Variants in ARIH1 observed in about 807,000 individuals in gnomAD.
ARIH1 encodes the protein ariadne RBR E3 ubiquitin protein ligase 1, also known as E3 ubiquitin-protein ligase ARIH1.
Under a neutral mutation model 85.0 loss-of-function variants are expected in ARIH1, and 8 were observed. That is an observed-to-expected ratio of 0.09 (90% CI 0.06 to 0.17). ARIH1 has a LOEUF of 0.17. Ranked by LOEUF, ARIH1 falls within the 10% of genes least tolerant of loss-of-function variation. The probability of loss-of-function intolerance (pLI) is 1.00; values close to 1 mark genes in which losing one functional copy is unlikely to be tolerated. For missense variants in ARIH1, 311 were observed against 718.1 expected, an observed-to-expected ratio of 0.43 and a Z score of 6.48; for synonymous variants, 238 against 253.6, an observed-to-expected ratio of 0.94 and a Z score of 0.59.
intron 7 of ARIH1, chr15:72,566,230 T>G: frequency 4.0e-6 from 1 of 248,224 alleles, no homozygotes; most frequent in Non-Finnish European, 7.6e-6. Flanking sequence ...GGGTGTTAAG[T>G]AAAAGATTAA....
intron 3 of ARIH1, among the ~76,000 whole-genome samples, chr15:72,549,836 G>C (rs369176006): frequency 6.6e-6 from 1 of 151,934 alleles, no homozygotes; most frequent in African/African-American, 2.4e-5. Context: ...TGTATTTTTC[G>C]TGTACTCTCT....
intron 11 of ARIH1, among the ~76,000 whole-genome samples, chr15:72,575,915 C>T (rs1320624971): frequency 6.6e-6 from 1 of 152,098 alleles, no homozygotes; most frequent in Non-Finnish European, 1.5e-5. Flanking sequence ...ATGATCATAG[C>T]TCACTGTAGC....
intron 1 of ARIH1, among the ~76,000 whole-genome samples, chr15:72,498,944 T>C (rs2063891167): frequency 6.9e-6 from 1 of 145,828 alleles, no homozygotes; most frequent in South Asian, 2.1e-4. Context: ...TTTTATGTCG[T>C]TTGCACCTTT....
At chr15:72,497,196 A>G (rs1182160393) in intron 1 of ARIH1, among the ~76,000 whole-genome samples, 4 of 152,222 alleles carry the variant, frequency 2.6e-5, no homozygotes, top group South Asian at 2.1e-4. Flanking sequence ...TTCAGAAACT[A>G]TGATAAAGGA....
intron 1 of ARIH1, among the ~76,000 whole-genome samples, chr15:72,514,518 C>T (rs182478111): frequency 3.4e-5 from 5 of 148,672 alleles, no homozygotes; most frequent in South Asian, 4.4e-4. Context: ...CCAGCTTGGG[C>T]GGTATACAAA....
At chr15:72,566,341 A>G (rs2064220929) in intron 7 of ARIH1, 2 of 502,048 alleles carry the variant, frequency 4.0e-6, no homozygotes, top group East Asian at 3.5e-5. Flanking sequence ...CTTCATGCTT[A>G]TAGTCATTCT....
chr15:72,492,179 A>G (rs1461594298), intron 1 of ARIH1, among the ~76,000 whole-genome samples: 1 of 152,216 alleles, frequency 6.6e-6, no homozygotes, highest in East Asian at 1.9e-4. Context: ...AAAAACACAA[A>G]GTTTAATAAA....
At chr15:72,481,534 C>T (rs2063816566) in intron 1 of ARIH1, among the ~76,000 whole-genome samples, 2 of 151,988 alleles carry the variant, frequency 1.3e-5, no homozygotes, top group African/African-American at 2.4e-5. Context: ...TATGGTGAAA[C>T]ACTAGCTGGG....
Position 72,518,093 on chromosome 15 carries a change from C to T in ARIH1, c.402C>T (p.Leu134=), listed in dbSNP as rs772636210. The T allele has an allele frequency of 1.2e-6, 2 of 1,611,694 alleles. No individual in the cohort carries two copies. Among genetic ancestry groups the T allele is most frequent in the Admixed American group, 3.3e-5 (2 of 59,930 alleles). The change falls in exon 2 of 14, where the codon CTC becomes CTT. Residue 134 remains leucine (L), a synonymous_variant. Coordinates refer to ENST00000379887, the MANE Select transcript of ARIH1 (RefSeq NM_005744.5). ...IQNPATITRI[L]LSHFNWDKEK... ...ATCCAGCAACTATCACAAGAATACT[C>T]CTTAGCCACTTCAATTGGGATAAAG...
intron 5 of ARIH1, among the ~76,000 whole-genome samples, chr15:72,559,024 T>C (rs779397410): frequency 2.1e-4 from 32 of 152,212 alleles, no homozygotes; most frequent in Non-Finnish European, 4.0e-4. Context: ...TTAATTACAG[T>C]TATCCTTAGT....
intron 3 of ARIH1, among the ~76,000 whole-genome samples, chr15:72,551,852 T>C (rs576744357): frequency 9.2e-5 from 14 of 152,248 alleles, no homozygotes; most frequent in East Asian, 1.9e-4. Flanking sequence ...AAAAGAAATA[T>C]ACAGTGTAAA....
chr15:72,529,181 A>C (rs989237390), intron 2 of ARIH1, among the ~76,000 whole-genome samples: 1 of 152,186 alleles, frequency 6.6e-6, no homozygotes, highest in African/African-American at 2.4e-5. Context: ...CCTGGGCGAC[A>C]GAGCGAGACT....
Position 72,593,384 on chromosome 15 carries a change from A to G in ARIH1, c.*10092A>G, listed in dbSNP as rs887264910. 2.6e-5 allele frequency: 4 copies of G among 152,100 alleles called. No individual in the cohort carries two copies. The highest frequency in any genetic ancestry group is 9.7e-5 in the African/African-American group (4 of 41,440). 9.4% of individuals were successfully genotyped at this position (152,100 alleles called of 1,614,324 possible). ...AAATTTTTTTTATAAAATCCACTTT[A>G]TCAGTTTTTTATTTTATGGTTTTAT... On this transcript the variant is annotated 3_prime_UTR_variant, in exon 14 of 14. Coordinates refer to ENST00000379887, the MANE Select transcript of ARIH1 (RefSeq NM_005744.5).
intron 1 of ARIH1, among the ~76,000 whole-genome samples, chr15:72,491,711 G>GT (rs756736944): frequency 6.6e-6 from 1 of 152,040 alleles, no homozygotes; most frequent in Non-Finnish European, 1.5e-5. Flanking sequence ...CTCTTAACCA[G>GT]TTATCTTACG....
intron 2 of ARIH1, among the ~76,000 whole-genome samples, chr15:72,523,550 C>G (rs1471294778): frequency 2.0e-5 from 3 of 147,072 alleles, no homozygotes; most frequent in Admixed American, 1.4e-4. Flanking sequence ...GGGGCCTAAA[C>G]TATTTTGTAT....
chr15:72,496,264 T>C (rs1164602275), intron 1 of ARIH1, among the ~76,000 whole-genome samples: 1 of 152,210 alleles, frequency 6.6e-6, no homozygotes, highest in Non-Finnish European at 1.5e-5. Flanking sequence ...ATAATACTGT[T>C]ACATATTGTT....
chr15:72,581,650 A>G (rs2064295631), intron 12 of ARIH1: 1 of 160,272 alleles, frequency 6.2e-6, no homozygotes, highest in Non-Finnish European at 1.4e-5. Flanking sequence ...AACTAGCCAT[A>G]GTGGTAAAGG....
At chr15:72,477,161 C>CA (rs762950142) in intron 1 of ARIH1, among the ~76,000 whole-genome samples, 19 of 151,818 alleles carry the variant, frequency 1.3e-4, no homozygotes, top group South Asian at 2.1e-4. Context: ...GTTTGATGGG[C>CA]AAAAAAAACC....
intron 5 of ARIH1, among the ~76,000 whole-genome samples, chr15:72,557,158 T>C (rs933138408): frequency 6.6e-6 from 1 of 152,176 alleles, no homozygotes; most frequent in Non-Finnish European, 1.5e-5. Context: ...TCCTTATGAC[T>C]GGTGTGAGAT....
Sources: gnomAD v4.1 joint callset for allele counts (sites outside exome capture counted in the v4.1 genomes callset) on GRCh38, gnomAD v4.1.1 for gene constraint, MANE v1.5 for transcripts, NCBI Gene and HGNC (gene_info 2026-07-23, HGNC 2026-07-21) for gene names.